Variants in EDNRB observed in about 807,000 individuals in gnomAD.
EDNRB encodes endothelin receptor type B.
A neutral mutation model predicts 46.4 loss-of-function variants in EDNRB; 18 were observed. The ratio of observed to expected loss-of-function variants is 0.39; its 90% CI spans 0.27 to 0.57. The LOEUF (loss-of-function observed/expected upper bound fraction) is 0.57. Among genes scored for constraint, EDNRB ranks in the 20% least tolerant of loss-of-function variants. The pLI is 0.61. For missense variants in EDNRB, 434 were observed against 537.5 expected, an observed-to-expected ratio of 0.81 and a Z score of 1.90; for synonymous variants, 213 against 204.9, an observed-to-expected ratio of 1.04 and a Z score of -0.34.
At chr13:77,974,228 CT>C (rs1204261075) in intron 1 of EDNRB, among the ~76,000 whole-genome samples, 1 of 151,944 alleles carries the variant, frequency 6.6e-6, no homozygotes, top group African/African-American at 2.4e-5. Context: ...TAGTAAGCTA[CT>C]TTTTTGCTTT....
intron 1 of EDNRB, among the ~76,000 whole-genome samples, chr13:77,966,296 G>T (rs1272531584): frequency 6.6e-6 from 1 of 152,132 alleles, no homozygotes; most frequent in Non-Finnish European, 1.5e-5. Flanking sequence ...GGGTGGTGTT[G>T]AAGTGGTACT....
chr13:77,970,693 T>A (rs936998643), intron 1 of EDNRB, among the ~76,000 whole-genome samples: 1 of 152,120 alleles, frequency 6.6e-6, no homozygotes, highest in African/African-American at 2.4e-5. Context: ...CATGGGAGGC[T>A]CAGATGGGTC....
intron 1 of EDNRB, among the ~76,000 whole-genome samples, chr13:77,907,590 C>T (rs1879345079): frequency 6.6e-6 from 1 of 151,862 alleles, no homozygotes; most frequent in Non-Finnish European, 1.5e-5. Flanking sequence ...GACTAATCCC[C>T]CTAGTTATTT....
At chr13:77,914,527 C>T (rs979784123) in intron 1 of EDNRB, among the ~76,000 whole-genome samples, 11 of 152,112 alleles carry the variant, frequency 7.2e-5, no homozygotes, top group African/African-American at 2.7e-4. Flanking sequence ...CTAGTGTGTG[C>T]CTATGAGAAG....
rs1555294666 is a variant in EDNRB at position 77,955,845 on chromosome 13, G to GTATCTATCTATCTATCTAAC, written c.-52+19501_-52+19502insGTTAGATAGATAGATAGATA. Among the ~76,000 whole-genome samples the GTATCTATCTATCTATCTAAC allele has an allele frequency of 6.9e-3, 1,002 of 145,734 alleles. 16 individuals are homozygous for GTATCTATCTATCTATCTAAC. The highest frequency in any genetic ancestry group is 0.024 in the African/African-American group (933 of 38,296). ...CATTGGGGTGTGTGTATGTGTGTGT[G>GTATCTATCTATCTATCTAAC]TATCTATCTATCTATCTATCTATCT... On this transcript the variant is annotated intron_variant, in intron 1 of 7. Coordinates refer to the EDNRB transcript ENST00000646948.
intron 1 of EDNRB, among the ~76,000 whole-genome samples, chr13:77,964,285 G>T (rs1881515590): frequency 6.6e-6 from 1 of 152,254 alleles, no homozygotes. Flanking sequence ...ATACCCAAAG[G>T]ATTATAAATC....
intron 1 of EDNRB, among the ~76,000 whole-genome samples, chr13:77,942,735 C>G (rs1269937335): frequency 6.6e-6 from 1 of 151,892 alleles, no homozygotes; most frequent in Non-Finnish European, 1.5e-5. Context: ...TTAAAAATAT[C>G]TATATGACTC....
intron 1 of EDNRB, among the ~76,000 whole-genome samples, chr13:77,964,193 C>T (rs988250398): frequency 6.6e-6 from 1 of 152,160 alleles, no homozygotes; most frequent in Non-Finnish European, 1.5e-5. Flanking sequence ...CTAGTTCAAC[C>T]ATTGTGGAAG....
chr13:77,920,195 C>T (rs568059130), upstream of EDNRB, among the ~76,000 whole-genome samples: 7 of 152,230 alleles, frequency 4.6e-5, no homozygotes, highest in Non-Finnish European at 1.0e-4. Flanking sequence ...TGATGCTTAT[C>T]GGAGACATGA....
upstream of EDNRB, chr13:77,919,981 C>T (rs1880028439): frequency 5.7e-6 from 1 of 174,306 alleles, no homozygotes; most frequent in African/African-American, 2.4e-5. Context: ...TGCTCTGCTT[C>T]ATTTTGCCCT....
intron 1 of EDNRB, among the ~76,000 whole-genome samples, chr13:77,955,579 A>G (rs1881211785): frequency 6.6e-6 from 1 of 151,994 alleles, no homozygotes; most frequent in African/African-American, 2.4e-5. Context: ...ATTTTTCCCT[A>G]TGTTTTCTTC....
intron 1 of EDNRB, among the ~76,000 whole-genome samples, chr13:77,909,494 G>T (rs1295765487): frequency 6.6e-6 from 1 of 151,974 alleles, no homozygotes; most frequent in African/African-American, 2.4e-5. Flanking sequence ...GCCAAAAGGA[G>T]TCAAGCCCCA....
chr13:77,919,548 G>T, upstream of EDNRB: 1 of 1,612,686 alleles, frequency 6.2e-7, no homozygotes, highest in Non-Finnish European at 8.5e-7. Context: ...CTGCGAGAAT[G>T]CCAGACAGTG....
At chr13:77,966,711 C>T (rs1378056470) in intron 1 of EDNRB, among the ~76,000 whole-genome samples, 1 of 152,128 alleles carries the variant, frequency 6.6e-6, no homozygotes, top group African/African-American at 2.4e-5. Flanking sequence ...GTTACTCTTT[C>T]AACATAGATA....
chr13:77,900,465 G>A, intron 5 of EDNRB, 56 bp downstream of exon 5: 1 of 1,608,512 alleles, frequency 6.2e-7, no homozygotes. Flanking sequence ...AAGATCGATG[G>A]AAACACTTCT....
chr13:77,917,984 T>C, intron 1 of EDNRB, 107 bp downstream of exon 1: 1 of 1,565,666 alleles, frequency 6.4e-7, no homozygotes, highest in South Asian at 1.1e-5. Flanking sequence ...GGGCAGAACC[T>C]TAAGAGGGAG....
upstream of EDNRB, chr13:77,919,463 A>G: frequency 2.5e-6 from 4 of 1,612,782 alleles, no homozygotes; most frequent in Non-Finnish European, 3.4e-6. Context: ...GGCGGAACCC[A>G]GCTGGGTTCC....
At chr13:77,938,960 C>T (rs1880651436) in intron 1 of EDNRB, among the ~76,000 whole-genome samples, 1 of 152,184 alleles carries the variant, frequency 6.6e-6, no homozygotes, top group African/African-American at 2.4e-5. Context: ...GTCCCCCTAT[C>T]TGAGTCACAG....
At chr13:77,918,949 G>C (rs1555292159), upstream of EDNRB, 3 of 1,134,278 alleles carry the variant, frequency 2.6e-6, no homozygotes, top group East Asian at 1.2e-4. The surrounding 1 kb of genome is among the most constrained non-coding windows in gnomAD (Gnocchi z 4.5). Context: ...TTCACGTAAC[G>C]GGAGGAATAC....
Sources: gnomAD v4.1 joint callset for allele counts (sites outside exome capture counted in the v4.1 genomes callset) on GRCh38, gnomAD v4.1.1 for gene constraint, Gnocchi (gnomAD v3.1) non-coding constraint, MANE v1.5 for transcripts, NCBI Gene and HGNC (gene_info 2026-07-23, HGNC 2026-07-21) for gene names.